The following C14orf39 variants were observed in gnomAD, a reference collection of about 807,000 sequenced individuals.
C14orf39 encodes chromosome 14 open reading frame 39.
A neutral mutation model predicts 85.6 loss-of-function variants in C14orf39; 66 were observed. That is an observed-to-expected ratio of 0.77 (90% CI 0.63 to 0.95). The LOEUF is 0.95. C14orf39 is among the 40% of genes least tolerant of loss of function. C14orf39 has a pLI of 0.00. For synonymous variants in C14orf39, 242 were observed against 214.0 expected (o/e 1.13, Z -1.14); for missense variants, 735 against 663.9 (o/e 1.11, Z -1.18).
chr14:60,448,276 A>G (rs976459317), intron 16 of C14orf39, among the ~76,000 whole-genome samples: 4 of 152,190 alleles, frequency 2.6e-5, no homozygotes, highest in African/African-American at 9.7e-5. Flanking sequence ...ATGGGAGAAA[A>G]TTTTTGCAAT....
At chr14:60,447,452 A>G (rs1284344876) in intron 16 of C14orf39, among the ~76,000 whole-genome samples, 5 of 152,212 alleles carry the variant, frequency 3.3e-5, no homozygotes, top group African/African-American at 1.2e-4. Context: ...CAAATGCTTC[A>G]AAGAGAATAA....
intron 11 of C14orf39, 77 bp downstream of exon 11, chr14:60,465,902 C>A: frequency 4.7e-6 from 3 of 640,720 alleles, no homozygotes; most frequent in Non-Finnish European, 7.7e-6. Flanking sequence ...ACGTCTGTGT[C>A]TTAAGGGCAG....
At chr14:60,493,563 T>C (rs1893024333) in intron 2 of C14orf39, among the ~76,000 whole-genome samples, 1 of 152,202 alleles carries the variant, frequency 6.6e-6, no homozygotes, top group Non-Finnish European at 1.5e-5. Context: ...GCAAAGCTAC[T>C]TTCAAGGCCC....
intron 9 of C14orf39, among the ~76,000 whole-genome samples, chr14:60,467,412 A>C (rs1244018813): frequency 1.3e-5 from 2 of 151,928 alleles, no homozygotes; most frequent in African/African-American, 4.8e-5. Context: ...CATATTCAGA[A>C]ATAAATCAAC....
At chr14:60,498,339 T>C (rs1033953993) in intron 2 of C14orf39, among the ~76,000 whole-genome samples, 2 of 152,252 alleles carry the variant, frequency 1.3e-5, no homozygotes, top group African/African-American at 4.8e-5. Flanking sequence ...CATTTCTCAT[T>C]GAGAGGTCTA....
intron 5 of C14orf39, among the ~76,000 whole-genome samples, chr14:60,475,545 T>A (rs907244186): frequency 6.6e-6 from 1 of 152,164 alleles, no homozygotes; most frequent in African/African-American, 2.4e-5. Context: ...ATTAAAATTA[T>A]ATGAAATTTA....
At chr14:60,442,173 A>G (rs759080242) in intron 16 of C14orf39, 42 bp from the exon 17 acceptor site, 32 of 1,297,484 alleles carry the variant, frequency 2.5e-5, no homozygotes, top group Non-Finnish European at 3.5e-5. Flanking sequence ...TGAAATCAGT[A>G]GGACAGTATA....
chr14:60,471,742 G>A lies in C14orf39; in HGVS notation c.324-3C>T, dbSNP rs1036937076. 6.8e-7 allele frequency: 1 copy of A among 1,468,140 alleles called. No homozygotes were observed. Among genetic ancestry groups the A allele is most frequent in the Non-Finnish European group, 9.3e-7 (1 of 1,079,908 alleles). The allele number at this position is 1,468,140 out of a possible 1,614,324, so 90.9% of individuals were successfully genotyped here. ...ATATATAATCATGATACATTTCTCT[G>A]TTAAAATTAAAAGAAATGATGTTTA... On this transcript the variant is annotated splice_polypyrimidine_tract_variant and splice_region_variant and intron_variant, in intron 5 of 17. Transcript: ENST00000321731.
At chr14:60,443,463 C>A (rs1890618508) in intron 16 of C14orf39, among the ~76,000 whole-genome samples, 1 of 152,152 alleles carries the variant, frequency 6.6e-6, no homozygotes, top group East Asian at 1.9e-4. Context: ...TGCAGCCTGG[C>A]AGGGGGAGGG....
intron 16 of C14orf39, among the ~76,000 whole-genome samples, chr14:60,453,722 T>C (rs1216666272): frequency 6.6e-6 from 1 of 151,822 alleles, no homozygotes; most frequent in Non-Finnish European, 1.5e-5. Context: ...CTTGACCACT[T>C]TCCCCCAGGA....
At chr14:60,477,564 G>GGT (rs1357798286) in intron 5 of C14orf39, among the ~76,000 whole-genome samples, 1 of 151,902 alleles carries the variant, frequency 6.6e-6, no homozygotes, top group African/African-American at 2.4e-5. Context: ...TACAATTATT[G>GGT]GTGTTTCTCT....
intron 1 of C14orf39, among the ~76,000 whole-genome samples, chr14:60,513,560 T>C (rs939338799): frequency 6.6e-6 from 1 of 152,132 alleles, no homozygotes; most frequent in African/African-American, 2.4e-5. Context: ...CACCCTTAGC[T>C]ATGGGGCTGT....
chr14:60,489,231 C>T (rs1022960371), upstream of C14orf39, among the ~76,000 whole-genome samples: 1 of 152,116 alleles, frequency 6.6e-6, no homozygotes, highest in African/African-American at 2.4e-5. Flanking sequence ...CTGATTTTTT[C>T]TTTGATATTT....
At chr14:60,473,803 T>C (rs1376583621) in intron 5 of C14orf39, among the ~76,000 whole-genome samples, 2 of 152,222 alleles carry the variant, frequency 1.3e-5, no homozygotes, top group Admixed American at 6.5e-5. Context: ...TTGGTTGCTG[T>C]AGCCTTGTAG....
At chr14:60,475,123 T>C (rs1200820086) in intron 5 of C14orf39, among the ~76,000 whole-genome samples, 2 of 152,184 alleles carry the variant, frequency 1.3e-5, no homozygotes. Flanking sequence ...CCTGGTTTAG[T>C]CTTGGGAGAG....
intron 2 of C14orf39, among the ~76,000 whole-genome samples, chr14:60,498,475 C>G (rs1893098644): frequency 6.6e-6 from 1 of 152,218 alleles, no homozygotes; most frequent in Non-Finnish European, 1.5e-5. Context: ...AGACAATTTT[C>G]CAAACTCTAA....
At chr14:60,475,666 T>C (rs1892337427) in intron 5 of C14orf39, among the ~76,000 whole-genome samples, 1 of 152,160 alleles carries the variant, frequency 6.6e-6, no homozygotes. Context: ...TGGCAGATGT[T>C]GGCCCACAAA....
intron 17 of C14orf39, 60 bp downstream of exon 17, chr14:60,442,014 C>A (rs1355294667): frequency 6.0e-6 from 7 of 1,175,290 alleles, no homozygotes; most frequent in Non-Finnish European, 7.4e-6. Flanking sequence ...GTTAGAGAAA[C>A]TAAATACTGT....
At chr14:60,488,598 A>G (rs889383483), upstream of C14orf39, among the ~76,000 whole-genome samples, 6 of 152,268 alleles carry the variant, frequency 3.9e-5, no homozygotes, top group African/African-American at 1.4e-4. Context: ...GAAGAAATCC[A>G]TTACTTAAAC....
Sources: allele counts gnomAD v4.1 joint callset (sites outside exome capture counted in the v4.1 genomes callset), GRCh38; gene constraint gnomAD v4.1.1; transcripts MANE v1.5; gene names NCBI Gene and HGNC (gene_info 2026-07-23, HGNC 2026-07-21).